The following COQ8B variants were observed in gnomAD, a reference collection of about 807,000 sequenced individuals.
COQ8B encodes coenzyme Q8B.
A neutral mutation model predicts 62.0 loss-of-function variants in COQ8B; 44 were observed. The observed-to-expected ratio is 0.71, with a 90% CI of 0.56 to 0.91. The LOEUF (loss-of-function observed/expected upper bound fraction) is 0.91. Ranked by LOEUF, COQ8B falls within the 40% of genes least tolerant of loss-of-function variation. The pLI is 0.00. For missense variants in COQ8B, 649 were observed against 731.6 expected, an observed-to-expected ratio of 0.89 and a Z score of 1.30; for synonymous variants, 252 against 289.9, an observed-to-expected ratio of 0.87 and a Z score of 1.33.
chr19:40,691,998 C>A lies in COQ8B; in HGVS notation c.*37G>T, dbSNP rs757153261. On this transcript the variant is annotated 3_prime_UTR_variant, in exon 15 of 15. Coordinates refer to ENST00000324464, the MANE Select transcript of COQ8B (RefSeq NM_024876.4). ...GGATAAGAGGCACTACAGCAGGGTACGGCCTGCTCTGGGGACTGAATCCCC... is the reference window on the plus strand; with the variant it reads ...GGATAAGAGGCACTACAGCAGGGTAAGGCCTGCTCTGGGGACTGAATCCCC... 1 of 1,532,494 alleles carries A rather than the reference C, an allele frequency of 6.5e-7. No individual in the cohort carries two copies. Among genetic ancestry groups the A allele is most frequent in the South Asian group, 1.2e-5 (1 of 82,836 alleles). 94.9% of individuals were successfully genotyped at this position (1,532,494 alleles called of 1,614,324 possible). A position where few individuals can be genotyped will look rare whatever the true frequency, so the allele number is the denominator to read the frequency against.
chr19:40,697,851 T>TATATATAGAGAGAGAGAGAGAGAGAG (rs1446181673), intron 12 of COQ8B, among the ~76,000 whole-genome samples: 30 of 54,714 alleles, frequency 5.5e-4, no homozygotes, highest in African/African-American at 8.8e-4. Flanking sequence ...TATATATATA[T>TATATATAGAGAGAGAGAGAGAGAGAG]AGAGAGAGAG....
intron 6 of COQ8B, 46 bp downstream of exon 6, chr19:40,705,279 G>A: frequency 6.3e-7 from 1 of 1,584,568 alleles, no homozygotes; most frequent in Non-Finnish European, 8.6e-7. Flanking sequence ...GGTAGGGCTG[G>A]GGTAGAAGGG....
At chr19:40,692,903 C>T (rs911324876) in intron 14 of COQ8B, 48 bp downstream of exon 14, 9 of 1,565,596 alleles carry the variant, frequency 5.7e-6, no homozygotes, top group South Asian at 2.2e-5. Context: ...CCCCCCACTG[C>T]ACCCCACCAA....
rs1299007855 is a variant in COQ8B at position 40,714,622 on chromosome 19, T to C, written c.11A>G (p.Lys4Arg). ...GGTCCCCCGAAGTAGGCCCCCCACC[T>C]TCAGCCACATTGCCTGGAGGAGAAG... Reference protein sequence around the residue: MWLKVGGLLRGTGG... With the variant: MWLRVGGLLRGTGG... Residue 4 changes from lysine to arginine, a missense_variant, in exon 2 of 15, where the codon AAG (lysine) becomes AGG (arginine). Lys to Arg is a conservative substitution (Grantham distance 26). Transcript: ENST00000324464. The C allele has an allele frequency of 1.9e-6, 3 of 1,606,930 alleles. No homozygotes were observed. Among genetic ancestry groups the C allele is most frequent in the Non-Finnish European group, 2.5e-6 (3 of 1,176,884 alleles).
chr19:40,708,626 T>C (rs2082118093), intron 5 of COQ8B, among the ~76,000 whole-genome samples: 1 of 151,694 alleles, frequency 6.6e-6, no homozygotes, highest in African/African-American at 2.4e-5. Context: ...CTCAACTTTT[T>C]ATTTTGAAAA....
chr19:40,712,666 GTA>G (rs1028508465), intron 4 of COQ8B, among the ~76,000 whole-genome samples: 21 of 152,274 alleles, frequency 1.4e-4, no homozygotes, highest in African/African-American at 4.6e-4. Context: ...GCAGACCAAG[GTA>G]TATGTTTCAC....
chr19:40,693,911 A>G (rs1217038721), intron 13 of COQ8B, among the ~76,000 whole-genome samples: 2 of 152,070 alleles, frequency 1.3e-5, no homozygotes, highest in East Asian at 3.9e-4. Flanking sequence ...CTTTTTTGTG[A>G]GGAGGGGGAT....
chr19:40,711,410 G>C (rs2082141002), intron 4 of COQ8B, among the ~76,000 whole-genome samples: 1 of 152,042 alleles, frequency 6.6e-6, no homozygotes, highest in Non-Finnish European at 1.5e-5. Flanking sequence ...TTTTTATTGA[G>C]ACAGGGTCTC....
intron 12 of COQ8B, among the ~76,000 whole-genome samples, chr19:40,696,807 A>G (rs534515473): frequency 5.4e-4 from 82 of 152,270 alleles, no homozygotes; most frequent in Middle Eastern, 3.4e-3. Context: ...ATGCATTTCT[A>G]TATTTTCTAT....
At chr19:40,695,880 TTATTA>T in intron 13 of COQ8B, 104 bp downstream of exon 13, 1 of 1,109,128 alleles carries the variant, frequency 9.0e-7, no homozygotes, top group Non-Finnish European at 1.3e-6. Context: ...TTACTATTAT[TTATTA>T]TTTCTTAATT....
At chr19:40,708,930 C>CA (rs59768127) in intron 5 of COQ8B, among the ~76,000 whole-genome samples, 62,942 of 144,546 alleles carry the variant, frequency 0.44, 13,979 homozygotes, top group Admixed American at 0.55. Flanking sequence ...ACCCTGTCTC[C>CA]AAAAAAAAAA....
chr19:40,701,287 C>T (rs2082058662), intron 10 of COQ8B: 1 of 152,212 alleles, frequency 6.6e-6, no homozygotes, highest in Non-Finnish European at 1.5e-5. Context: ...TGTGATCTCA[C>T]CACTGTATTC....
chr19:40,695,308 A>C (rs550463579), intron 13 of COQ8B, among the ~76,000 whole-genome samples: 1 of 150,846 alleles, frequency 6.6e-6, no homozygotes, highest in East Asian at 1.9e-4. Flanking sequence ...ACAGAGCAAG[A>C]CTCTGTCTCA....
chr19:40,708,590 A>C (rs977616087), intron 5 of COQ8B, among the ~76,000 whole-genome samples: 2 of 151,236 alleles, frequency 1.3e-5, no homozygotes, highest in Non-Finnish European at 3.0e-5. Flanking sequence ...GGCTGGTCAT[A>C]CCCAAACCCT....
intron 4 of COQ8B, 146 bp from the exon 5 acceptor site, chr19:40,710,282 T>G: frequency 1.4e-6 from 1 of 731,896 alleles, no homozygotes; most frequent in African/African-American, 1.8e-5. Flanking sequence ...TCTCGCTCTG[T>G]TGCCCAGGCT....
intron 9 of COQ8B, 70 bp from the exon 10 acceptor site, chr19:40,702,763 CCTCT>C (rs1237422515): frequency 3.6e-6 from 5 of 1,406,894 alleles, no homozygotes; most frequent in Non-Finnish European, 2.0e-6. Context: ...TCCTGCCAAC[CCTCT>C]CTCTCCTGTC....
Position 40,703,853 on chromosome 19 carries a change from T to C in COQ8B, c.579A>G (p.Arg193=), listed in dbSNP as rs1460167640. The C allele has an allele frequency of 1.2e-6, 2 of 1,608,316 alleles. No individual in the cohort carries two copies. The highest frequency in any genetic ancestry group is 1.7e-6 in the Non-Finnish European group (2 of 1,175,874). ...CCCTGCCGAGCTCCTCTTCAAGAAC[T>C]CTCTGCGGGGAGTGGTCACAGCCAT... ...ADFMPRWQML[R]VLEEELGRDW... The change falls in exon 8 of 15, where the codon AGA becomes AGG. Residue 193 remains arginine (R), a splice_region_variant and synonymous_variant. Transcript: ENST00000324464.
At position 40,705,081 on chromosome 19, in the gene COQ8B, C is replaced by T; in HGVS notation, c.576+15G>A. 1 of 1,594,758 alleles carries T rather than the reference C, an allele frequency of 6.3e-7. No homozygotes were observed. Among genetic ancestry groups the T allele is most frequent in the Non-Finnish European group, 8.5e-7 (1 of 1,170,720 alleles). On this transcript the variant is annotated intron_variant, in intron 7 of 14. Coordinates refer to ENST00000324464, the MANE Select transcript of COQ8B (RefSeq NM_024876.4). ...AGCCTGCCTCCCTCACCGCCCTCCC[C>T]CACTGGGCACTCACCAGCATCTGCC...
chr19:40,716,128 G>A (rs1412700187), intron 1 of COQ8B, among the ~76,000 whole-genome samples: 1 of 152,022 alleles, frequency 6.6e-6, no homozygotes, highest in Non-Finnish European at 1.5e-5. Flanking sequence ...CCTGTATGAG[G>A]TACTAGGTGG....
Sources: gnomAD v4.1 joint callset for allele counts (sites outside exome capture counted in the v4.1 genomes callset) on GRCh38, gnomAD v4.1.1 for gene constraint, MANE v1.5 for transcripts, NCBI Gene and HGNC (gene_info 2026-07-23, HGNC 2026-07-21) for gene names.